The following LEPR variants were observed in gnomAD, a reference collection of about 807,000 sequenced individuals.
The protein encoded by LEPR is leptin receptor, also known as OB receptor.
Under a neutral mutation model 114.7 loss-of-function variants are expected in LEPR, and 56 were observed. The ratio of observed to expected loss-of-function variants is 0.49; its 90% CI spans 0.39 to 0.61. The LOEUF (loss-of-function observed/expected upper bound fraction) is 0.61, where lower values mean the gene tolerates loss of function less well. Among genes scored for constraint, LEPR ranks in the 20% least tolerant of loss-of-function variants. The pLI is 0.00. For synonymous variants in LEPR, 443 were observed against 461.4 expected, an observed-to-expected ratio of 0.96 and a Z score of 0.51; for missense variants, 1,202 against 1,352.9, an observed-to-expected ratio of 0.89 and a Z score of 1.75.
chr1:65,625,761 C>A (rs749938927), intron 19 of LEPR, among the ~76,000 whole-genome samples: 3 of 152,060 alleles, frequency 2.0e-5, no homozygotes, highest in Non-Finnish European at 2.9e-5. Context: ...AGCTAAGTAC[C>A]TGCAAACACT....
rs567187762 is a variant in LEPR at position 65,530,268 on chromosome 1, A to G, written c.-20-35278A>G. Among the ~76,000 whole-genome samples the G allele has an allele frequency of 2.6e-5, 4 of 152,284 alleles. No individual in the cohort carries two copies. In the East Asian group the frequency reaches 7.7e-4, roughly 29 times the overall value. ...TGTGTTGGGGAATTCTCTGTGCTCT[A>G]TCTTCAAAACAAATCCAGAATATAA... On this transcript the variant is annotated intron_variant, in intron 2 of 19. Coordinates refer to ENST00000349533, the MANE Select transcript of LEPR (RefSeq NM_002303.6).
chr1:65,614,488 A>G (rs1379985814), intron 14 of LEPR, among the ~76,000 whole-genome samples: 2 of 152,176 alleles, frequency 1.3e-5, no homozygotes, highest in African/African-American at 4.8e-5. Context: ...GAATCTTAAG[A>G]CTAAAGGCAA....
At chr1:65,629,159 C>T (rs2101032401) in intron 19 of LEPR, among the ~76,000 whole-genome samples, 1 of 152,186 alleles carries the variant, frequency 6.6e-6, no homozygotes, top group East Asian at 1.9e-4. Context: ...ATTTCTCCAA[C>T]CTCAGAAAAA....
intron 2 of LEPR, among the ~76,000 whole-genome samples, chr1:65,523,023 A>C (rs1571151): frequency 6.6e-6 from 1 of 152,104 alleles, no homozygotes; most frequent in Non-Finnish European, 1.5e-5. Context: ...GTATGTACCC[A>C]ATATTGTGCC....
chr1:65,452,355 C>T (rs1166695337), intron 2 of LEPR, among the ~76,000 whole-genome samples: 2 of 145,674 alleles, frequency 1.4e-5, no homozygotes, highest in African/African-American at 5.0e-5. Flanking sequence ...CTGTCTTGTG[C>T]CAGTTTTCAA....
intron 2 of LEPR, among the ~76,000 whole-genome samples, chr1:65,514,775 A>C (rs1168169577): frequency 6.6e-6 from 1 of 152,232 alleles, no homozygotes; most frequent in Non-Finnish European, 1.5e-5. Context: ...TTTTAGTTAT[A>C]CAAATGGGAA....
At chr1:65,503,014 A>G (rs1465547911) in intron 2 of LEPR, among the ~76,000 whole-genome samples, 2 of 151,988 alleles carry the variant, frequency 1.3e-5, no homozygotes, top group Non-Finnish European at 2.9e-5. Flanking sequence ...AGAAAGAGAG[A>G]GAAAGAGACA....
Position 65,633,261 on chromosome 1 carries a change from G to A in LEPR, c.2674-2930G>A. ...AAGATTTTTACATTTTGAAGAAGGG[G>A]AGCAAATCTAAAAAAAATTCAGTTG... On this transcript the variant is annotated intron_variant, in intron 19 of 19. Transcript: ENST00000349533. This position sits in a 1 kb window ranked among gnomAD's most constrained non-coding sequence, Gnocchi z 4.1. 2 of 1,556,258 alleles carry A rather than the reference G, an allele frequency of 1.3e-6. No homozygotes were observed. Among genetic ancestry groups the A allele is most frequent in the Non-Finnish European group, 8.6e-7 (1 of 1,156,198 alleles).
At position 65,633,163 on chromosome 1, in the gene LEPR, T is replaced by A; in HGVS notation, c.2674-3028T>A. The stretch of plus-strand genomic sequence containing the variant: ...TTTTATCTAAACAGAGAACGGACAT[T>A]CTTTGAAGTCTAATCATGATCACTA... On this transcript the variant is annotated intron_variant, in intron 19 of 19. Transcript: ENST00000349533. This position sits in a 1 kb window ranked among gnomAD's most constrained non-coding sequence, Gnocchi z 4.1. 6.2e-7 allele frequency: 1 copy of A among 1,600,580 alleles called. No homozygotes were observed. Among genetic ancestry groups the A allele is most frequent in the Non-Finnish European group, 8.6e-7 (1 of 1,169,382 alleles).
At chr1:65,569,670 G>A (rs1297187800) in intron 3 of LEPR, among the ~76,000 whole-genome samples, 1 of 131,400 alleles carries the variant, frequency 7.6e-6, no homozygotes, top group Admixed American at 9.0e-5. Context: ...TCATGCCACT[G>A]CACTCCAGCC....
At chr1:65,438,147 C>A (rs2100266006) in intron 2 of LEPR, among the ~76,000 whole-genome samples, 1 of 122,290 alleles carries the variant, frequency 8.2e-6, no homozygotes, top group Admixed American at 1.0e-4. Context: ...AAAAATATTC[C>A]AACTGAGGTT....
chr1:65,591,491 T>C (rs540652003), intron 5 of LEPR, among the ~76,000 whole-genome samples: 1 of 152,204 alleles, frequency 6.6e-6, no homozygotes, highest in South Asian at 2.1e-4. Context: ...GCTTCATGTA[T>C]TTTGAAACTC....
chr1:65,533,904 A>C (rs888739216), intron 2 of LEPR, among the ~76,000 whole-genome samples: 1 of 152,100 alleles, frequency 6.6e-6, no homozygotes, highest in African/African-American at 2.4e-5. Flanking sequence ...TGTGCATGTT[A>C]AATCTTTTTT....
chr1:65,484,212 C>T (rs1029521646), intron 2 of LEPR, among the ~76,000 whole-genome samples: 1 of 151,918 alleles, frequency 6.6e-6, no homozygotes, highest in Non-Finnish European at 1.5e-5. Flanking sequence ...ATTGCGATAC[C>T]CCTAGTTCCC....
At chr1:65,536,960 A>T (rs1224059020) in intron 2 of LEPR, among the ~76,000 whole-genome samples, 1 of 152,120 alleles carries the variant, frequency 6.6e-6, no homozygotes, top group Non-Finnish European at 1.5e-5. Context: ...CAAAATATTG[A>T]TAGGTTAAAA....
intron 19 of LEPR, among the ~76,000 whole-genome samples, chr1:65,635,680 T>G (rs1253379003): frequency 6.6e-6 from 1 of 152,172 alleles, no homozygotes; most frequent in East Asian, 1.9e-4. Context: ...ATAGTTATTT[T>G]AACTGTTTTT....
chr1:65,520,674 G>T (rs1031165347), intron 2 of LEPR, among the ~76,000 whole-genome samples: 2 of 123,258 alleles, frequency 1.6e-5, no homozygotes, highest in African/African-American at 8.5e-5. Flanking sequence ...AAAATCAGGG[G>T]TCTCAGCCTT....
intron 2 of LEPR, among the ~76,000 whole-genome samples, chr1:65,464,762 G>A (rs1646988257): frequency 6.6e-6 from 1 of 152,194 alleles, no homozygotes; most frequent in African/African-American, 2.4e-5. Flanking sequence ...TTGGGAGGGT[G>A]TATGTGTCCA....
At chr1:65,589,508 AT>A (rs1414034779) in intron 5 of LEPR, among the ~76,000 whole-genome samples, 26 of 152,060 alleles carry the variant, frequency 1.7e-4, no homozygotes, top group South Asian at 6.2e-4. Context: ...AGGTCACAAA[AT>A]TTTTTACTTA....
Sources: gnomAD v4.1 joint callset for allele counts (sites outside exome capture counted in the v4.1 genomes callset) on GRCh38, gnomAD v4.1.1 for gene constraint, Gnocchi (gnomAD v3.1) non-coding constraint, MANE v1.5 for transcripts, NCBI Gene and HGNC (gene_info 2026-07-23, HGNC 2026-07-21) for gene names.